DSCAM: variants seen among roughly 807,000 people sequenced by gnomAD.
The protein encoded by DSCAM is DS cell adhesion molecule.
A neutral mutation model predicts 217.7 loss-of-function variants in DSCAM; 47 were observed. The observed-to-expected ratio is 0.22, with a 90% CI of 0.17 to 0.28. DSCAM has a LOEUF of 0.28. DSCAM is among the 10% of genes least tolerant of loss of function. The pLI, the probability that DSCAM is intolerant of heterozygous loss-of-function variation, is 1.00. For missense variants in DSCAM, 2,080 were observed against 2,618.3 expected (o/e 0.79, Z 4.49); for synonymous variants, 1,056 against 1,015.3 (o/e 1.04, Z -0.76).
In DSCAM at chr21:40,473,303, A is replaced by G. The variant is rs147743458; in HGVS notation, c.509-104058T>C. Among the ~76,000 whole-genome samples the G allele has an allele frequency of 2.3e-3, 349 of 152,348 alleles. 2 individuals are homozygous for G. Among genetic ancestry groups the G allele is most frequent in the African/African-American group, 8.1e-3 (337 of 41,596 alleles). ...CTAGAGGTGGTTAAGGTTATACTGC[A>G]TGTACAATTTGAATAGACAAAGGCA... On this transcript the variant is annotated intron_variant, in intron 3 of 32. Coordinates refer to ENST00000400454, the MANE Select transcript of DSCAM (RefSeq NM_001389.5).
intron 3 of DSCAM, among the ~76,000 whole-genome samples, chr21:40,651,443 C>T (rs2090012381): frequency 6.6e-6 from 1 of 152,194 alleles, no homozygotes; most frequent in African/African-American, 2.4e-5. Flanking sequence ...TGAACTGCTC[C>T]AAGGATTGGG....
At chr21:40,595,248 C>T (rs1455979131) in intron 3 of DSCAM, among the ~76,000 whole-genome samples, 1 of 151,978 alleles carries the variant, frequency 6.6e-6, no homozygotes, top group Non-Finnish European at 1.5e-5. Flanking sequence ...CATGGTGGTG[C>T]ACACCTGCAG....
chr21:40,408,482 G>A (rs1426707385), intron 3 of DSCAM, among the ~76,000 whole-genome samples: 3 of 151,900 alleles, frequency 2.0e-5, no homozygotes, highest in Admixed American at 1.3e-4. Flanking sequence ...AGATCATCTG[G>A]GCATCACATT....
intron 6 of DSCAM, among the ~76,000 whole-genome samples, chr21:40,340,041 T>C (rs1174741460): frequency 6.6e-6 from 1 of 152,154 alleles, no homozygotes; most frequent in Non-Finnish European, 1.5e-5. Flanking sequence ...TCTCTGAGAA[T>C]GGGTAGAAGC....
At chr21:40,265,602 G>C (rs1330914773) in intron 11 of DSCAM, among the ~76,000 whole-genome samples, 1 of 152,090 alleles carries the variant, frequency 6.6e-6, no homozygotes. Flanking sequence ...ATACTACAAG[G>C]CTATAGTAAT....
chr21:40,017,624 T>C (rs117572031), intron 32 of DSCAM, among the ~76,000 whole-genome samples: 3,403 of 151,998 alleles, frequency 0.022, 63 homozygotes, highest in Middle Eastern at 0.048. Flanking sequence ...TGCAACTCGG[T>C]TCGCCACAAC....
At chr21:40,571,913 C>T (rs993040302) in intron 3 of DSCAM, among the ~76,000 whole-genome samples, 1 of 152,290 alleles carries the variant, frequency 6.6e-6, no homozygotes, top group South Asian at 2.1e-4. Context: ...TTTTTGAGAT[C>T]CAACATGGCA....
chr21:40,573,245 G>C (rs1410741581), intron 3 of DSCAM, among the ~76,000 whole-genome samples: 1 of 152,106 alleles, frequency 6.6e-6, no homozygotes, highest in African/African-American at 2.4e-5. Context: ...GGCTGAGGCA[G>C]GAGAATGGCG....
chr21:40,584,617 G>A (rs2076930103), intron 3 of DSCAM, among the ~76,000 whole-genome samples: 1 of 152,046 alleles, frequency 6.6e-6, no homozygotes, highest in Non-Finnish European at 1.5e-5. Context: ...GAAGCAGCAG[G>A]GACTCTGCAA....
At chr21:40,306,901 C>A (rs1348549134) in intron 9 of DSCAM, among the ~76,000 whole-genome samples, 4 of 152,016 alleles carry the variant, frequency 2.6e-5, no homozygotes, top group South Asian at 2.1e-4. Flanking sequence ...GTCTAAAATT[C>A]TCTTTTTTGG....
intron 11 of DSCAM, among the ~76,000 whole-genome samples, chr21:40,210,874 T>A (rs748822824): frequency 3.9e-5 from 6 of 152,216 alleles, no homozygotes; most frequent in Non-Finnish European, 5.9e-5. Flanking sequence ...CACATTCATT[T>A]GTGTGTATGT....
intron 5 of DSCAM, among the ~76,000 whole-genome samples, chr21:40,351,022 A>G (rs2074625034): frequency 6.6e-6 from 1 of 151,370 alleles, no homozygotes; most frequent in Admixed American, 6.6e-5. Flanking sequence ...GGTAGCTGGG[A>G]CTACAGACAC....
intron 1 of DSCAM, among the ~76,000 whole-genome samples, chr21:40,762,692 A>AC (rs1241303614): frequency 1.3e-5 from 2 of 152,166 alleles, no homozygotes; most frequent in African/African-American, 4.8e-5. Context: ...TCCCTGATGA[A>AC]CATCGATGCA....
intron 3 of DSCAM, among the ~76,000 whole-genome samples, chr21:40,637,338 AAAATATATATAAATATAAAT>A (rs2089792837): frequency 3.9e-4 from 1 of 2,540 alleles, no homozygotes; most frequent in Non-Finnish European, 5.9e-4. Context: ...AATATATATA[AAAATATATATAAATATAAAT>A]ATATATATAA....
intron 3 of DSCAM, among the ~76,000 whole-genome samples, chr21:40,592,355 TTGTA>T (rs2076990188): frequency 6.6e-6 from 1 of 152,156 alleles, no homozygotes; most frequent in East Asian, 1.9e-4. Flanking sequence ...TCATATGAGC[TTGTA>T]TGTCTTATTT....
At chr21:40,110,635 T>G (rs1338909427) in intron 20 of DSCAM, among the ~76,000 whole-genome samples, 2 of 152,156 alleles carry the variant, frequency 1.3e-5, no homozygotes, top group Non-Finnish European at 2.9e-5. Context: ...AGGAGGAAGT[T>G]TGAACCCATG....
chr21:40,288,079 C>G (rs2073849211), intron 10 of DSCAM, among the ~76,000 whole-genome samples: 1 of 152,084 alleles, frequency 6.6e-6, no homozygotes, highest in Admixed American at 6.6e-5. Context: ...ACAGCATTAC[C>G]CTTGCTGGGA....
At chr21:40,585,013 T>A (rs1300024221) in intron 3 of DSCAM, among the ~76,000 whole-genome samples, 1 of 152,030 alleles carries the variant, frequency 6.6e-6, no homozygotes. Flanking sequence ...AAAAAGAGCC[T>A]GGCACCACCC....
At chr21:40,703,885 A>T (rs2090683630) in intron 2 of DSCAM, among the ~76,000 whole-genome samples, 1 of 152,002 alleles carries the variant, frequency 6.6e-6, no homozygotes, top group African/African-American at 2.4e-5. Flanking sequence ...TTTTTTGAAT[A>T]AAGCTTGATT....
Sources: allele counts gnomAD v4.1 joint callset (sites outside exome capture counted in the v4.1 genomes callset), GRCh38; gene constraint gnomAD v4.1.1; transcripts MANE v1.5; gene names NCBI Gene and HGNC (gene_info 2026-07-23, HGNC 2026-07-21).